Variants in SETD3 observed in about 807,000 individuals in gnomAD.
SETD3 encodes the protein SET domain containing 3, actin N3(tau)-histidine methyltransferase.
Under a neutral mutation model 63.0 loss-of-function variants are expected in SETD3, and 19 were observed. The observed-to-expected ratio is 0.30, with a 90% CI of 0.21 to 0.44. The LOEUF is 0.44. Ranked by LOEUF, SETD3 falls within the 20% of genes least tolerant of loss-of-function variation. SETD3 has a pLI of 1.00. For synonymous variants in SETD3, 286 were observed against 264.1 expected, an observed-to-expected ratio of 1.08 and a Z score of -0.80; for missense variants, 587 against 728.5, an observed-to-expected ratio of 0.81 and a Z score of 2.24.
At chr14:99,472,034 T>C (rs2139812520) in intron 1 of SETD3, among the ~76,000 whole-genome samples, 1 of 152,328 alleles carries the variant, frequency 6.6e-6, no homozygotes, top group Admixed American at 6.5e-5. Context: ...AATCCTGCAT[T>C]AGCTCCAGCA....
chr14:99,398,807 C>T lies in SETD3; in HGVS notation c.1657G>A (p.Val553Ile), dbSNP rs541886693. ...TTAGGGATAGAGTTTTCACCGTTTA[C>T]AAGCCCGTTTTCTGTGGCCTTTGCT... ...SKAKATENGL[V>I]NGENSIPNGT... The change falls in exon 13 of 13, where the codon GTA (valine) becomes ATA (isoleucine). Residue 553 changes from valine (V) to isoleucine (I), a missense_variant. Transcript: ENST00000331768. 1 of 1,614,240 alleles carries T rather than the reference C, an allele frequency of 6.2e-7. No homozygotes were observed. Among genetic ancestry groups the T allele is most frequent in the Non-Finnish European group, 8.5e-7 (1 of 1,180,042 alleles).
intron 11 of SETD3, among the ~76,000 whole-genome samples, chr14:99,402,842 T>C (rs1302489674): frequency 6.6e-6 from 1 of 152,222 alleles, no homozygotes; most frequent in African/African-American, 2.4e-5. Context: ...AAATGTAGCA[T>C]CATGCCTGGC....
intron 11 of SETD3, among the ~76,000 whole-genome samples, chr14:99,401,553 A>C (rs894333822): frequency 4.6e-5 from 7 of 152,364 alleles, no homozygotes; most frequent in Admixed American, 2.0e-4. Flanking sequence ...CTAGAGAGGA[A>C]CTAAAGAGAA....
Position 99,398,636 on chromosome 14 carries a change from C to T in SETD3, c.*43G>A, listed in dbSNP as rs768711755. ...ACAGCGATGTGAACGGACTGTCCGT[C>T]AACTCCTGCTCCACTGGATCCCCCA... On this transcript the variant is annotated 3_prime_UTR_variant, in exon 13 of 13. Coordinates refer to ENST00000331768, the MANE Select transcript of SETD3 (RefSeq NM_032233.3). 12 of 1,561,800 alleles carry T rather than the reference C, an allele frequency of 7.7e-6. No individual in the cohort carries two copies. Among genetic ancestry groups the T allele is most frequent in the South Asian group, 1.1e-5 (1 of 88,018 alleles).
At chr14:99,482,421 G>T (rs1266705773), upstream of SETD3, among the ~76,000 whole-genome samples, 1 of 152,194 alleles carries the variant, frequency 6.6e-6, no homozygotes, top group Non-Finnish European at 1.5e-5. Context: ...TAAGCCCTCT[G>T]TATTGCTGAA....
intron 1 of SETD3, among the ~76,000 whole-genome samples, chr14:99,472,446 C>G (rs1895753578): frequency 1.3e-5 from 2 of 152,114 alleles, no homozygotes; most frequent in African/African-American, 2.4e-5. Flanking sequence ...ATTCAAAAGT[C>G]TGTTATATAC....
intron 6 of SETD3, among the ~76,000 whole-genome samples, chr14:99,441,985 G>T (rs1219059424): frequency 6.6e-6 from 1 of 152,190 alleles, no homozygotes; most frequent in Non-Finnish European, 1.5e-5. Flanking sequence ...TGGTAAGAAA[G>T]CCCCCAGGCA....
chr14:99,403,055 C>T (rs768649726), intron 11 of SETD3, among the ~76,000 whole-genome samples: 1 of 152,186 alleles, frequency 6.6e-6, no homozygotes, highest in Non-Finnish European at 1.5e-5. Flanking sequence ...AAAGCTCCCA[C>T]TTGAATAACC....
In SETD3 at chr14:99,398,276, C is replaced by T. The variant is rs1420441520; in HGVS notation, c.*403G>A. Reference sequence around the variant, plus strand: ...CCACCTTCACGCTGTATCCCCAAGTCCCGCCACCAATTCTGGCTGGCAGGA... The same window carrying T: ...CCACCTTCACGCTGTATCCCCAAGTTCCGCCACCAATTCTGGCTGGCAGGA... On this transcript the variant is annotated 3_prime_UTR_variant, in exon 13 of 13. Coordinates refer to ENST00000331768, the MANE Select transcript of SETD3 (RefSeq NM_032233.3). 6.0e-6 allele frequency: 1 copy of T among 166,562 alleles called. No homozygotes were observed. The highest frequency in any genetic ancestry group is 1.3e-5 in the Non-Finnish European group (1 of 76,516). The allele number at this position is 166,562 out of a possible 1,614,324, so 10.3% of individuals were successfully genotyped here.
chr14:99,400,254 GT>G lies in SETD3; in HGVS notation c.1182del (p.Glu394AspfsTer2). The G allele has an allele frequency of 6.2e-7, 1 of 1,609,564 alleles. No individual in the cohort carries two copies. The highest frequency in any genetic ancestry group is 8.5e-7 in the Non-Finnish European group (1 of 1,178,522). On this transcript the variant is annotated frameshift_variant, in exon 12 of 13. Transcript: ENST00000331768. LOFTEE classifies it high-confidence loss of function. ...CTGTCTCCCAGCAAGTGTTCTTTCAGTTCTTCTACAAGAAATACAAATGGCA... is the reference window on the plus strand; with the variant it reads ...CTGTCTCCCAGCAAGTGTTCTTTCAGTCTTCTACAAGAAATACAAATGGCA... Reference protein sequence around the residue: ...FLRVFCMTEEELKEHLLGDSA... With the variant: ...FLRVFCMTEEXLKEHLLGDSA...
intron 8 of SETD3, chr14:99,411,270 C>T (rs1891973113): frequency 6.6e-6 from 1 of 151,770 alleles, no homozygotes; most frequent in African/African-American, 2.4e-5. Context: ...AGGGAAAACA[C>T]AGCACTGGTT....
intron 6 of SETD3, among the ~76,000 whole-genome samples, chr14:99,434,627 C>G (rs202221484): frequency 5.9e-5 from 9 of 151,934 alleles, no homozygotes; most frequent in Non-Finnish European, 1.0e-4. Context: ...GTGGGCAGAT[C>G]ACCTGAGATC....
chr14:99,452,849 G>C (rs995090698), intron 6 of SETD3, among the ~76,000 whole-genome samples: 4 of 152,244 alleles, frequency 2.6e-5, no homozygotes, highest in Non-Finnish European at 4.4e-5. Flanking sequence ...GCAGATCGCG[G>C]GGGGAGAAAA....
Position 99,400,187 on chromosome 14 carries a change from G to A in SETD3, c.1250C>T (p.Pro417Leu), listed in dbSNP as rs1188445984. 1.9e-6 allele frequency: 3 copies of A among 1,614,028 alleles called. No individual in the cohort carries two copies. The highest frequency in any genetic ancestry group is 8.5e-7 in the Non-Finnish European group (1 of 1,180,018). Residue 417 changes from proline (P) to leucine (L), a missense_variant, in exon 12 of 13, where the codon CCT (proline) becomes CTT (leucine). Transcript: ENST00000331768. ...RIFTLGNSEF[P>L]VSWDNEVKLW... ...TTTGACCTCGTTGTCCCAGCTAACAGGAAATTCCGAGTTCCCCAAGGTGAA... is the reference window on the plus strand; with the variant it reads ...TTTGACCTCGTTGTCCCAGCTAACAAGAAATTCCGAGTTCCCCAAGGTGAA...
rs112703094 is a variant in SETD3, at chr14:99,409,016, C to T, written c.850-2426G>A. On this transcript the variant is annotated intron_variant, in intron 8 of 12. Coordinates refer to ENST00000331768, the MANE Select transcript of SETD3 (RefSeq NM_032233.3). The stretch of plus-strand genomic sequence containing the variant: ...CCACCTACGCCCAGAAATCTGCAGA[C>T]GCTGACCAGGTCTGACTTGAAGCCC... Among the ~76,000 whole-genome samples, 40 of 152,260 alleles carry T rather than the reference C, an allele frequency of 2.6e-4. 1 individual carries two copies. The highest frequency in any genetic ancestry group is 8.7e-4 in the African/African-American group (36 of 41,552).
At chr14:99,444,765 G>C (rs955122669) in intron 6 of SETD3, among the ~76,000 whole-genome samples, 2 of 151,916 alleles carry the variant, frequency 1.3e-5, no homozygotes, top group African/African-American at 4.8e-5. Context: ...AGCCTGGCAG[G>C]TGGAGGCTGC....
chr14:99,466,513 C>T (rs1486020098), intron 1 of SETD3, among the ~76,000 whole-genome samples: 1 of 152,154 alleles, frequency 6.6e-6, no homozygotes, highest in East Asian at 1.9e-4. Context: ...GTATAGGACA[C>T]GCCATGGTGT....
chr14:99,399,196 G>A (rs904946612), intron 12 of SETD3, 71 bp from the exon 13 acceptor site: 11 of 1,386,172 alleles, frequency 7.9e-6, no homozygotes, highest in South Asian at 3.9e-5. Flanking sequence ...AGGGCACAAC[G>A]GCTGGGGATG....
upstream of SETD3, among the ~76,000 whole-genome samples, chr14:99,485,302 G>A (rs1023919643): frequency 2.0e-5 from 3 of 151,710 alleles, no homozygotes; most frequent in Non-Finnish European, 1.5e-5. Context: ...TCCCTACTGG[G>A]GTATTCCTAA....
Sources: allele counts gnomAD v4.1 joint callset (sites outside exome capture counted in the v4.1 genomes callset), GRCh38; gene constraint gnomAD v4.1.1; transcripts MANE v1.5; gene names NCBI Gene and HGNC (gene_info 2026-07-23, HGNC 2026-07-21).